The following CDC25B variants were observed in gnomAD, a reference collection of about 807,000 sequenced individuals.
CDC25B encodes the protein M-phase inducer phosphatase 2.
Under a neutral mutation model 69.8 loss-of-function variants are expected in CDC25B, and 33 were observed. That is an observed-to-expected ratio of 0.47 (90% CI 0.36 to 0.63). CDC25B has a LOEUF of 0.63. Ranked by LOEUF, CDC25B falls within the 30% of genes least tolerant of loss-of-function variation. The pLI, the probability that CDC25B is intolerant of heterozygous loss-of-function variation, is 0.00. For missense variants in CDC25B, 727 were observed against 809.1 expected, an observed-to-expected ratio of 0.90 and a Z score of 1.23; for synonymous variants, 341 against 314.6, an observed-to-expected ratio of 1.08 and a Z score of -0.89.
Position 3,798,473 on chromosome 20 carries a change from G to T in CDC25B, c.380+10G>T, listed in dbSNP as rs1568504937. The T allele has an allele frequency of 6.3e-7, 1 of 1,591,060 alleles. No homozygotes were observed. On this transcript the variant is annotated intron_variant, in intron 3 of 15. Coordinates refer to ENST00000245960, the MANE Select transcript of CDC25B (RefSeq NM_021873.4). ...ACATGGCGGAGCAGACGTGAGTAGA[G>T]AAGGGAATGTGTACTTCCAAGCATT...
chr20:3,796,923 C>T (rs2089077732), intron 1 of CDC25B, among the ~76,000 whole-genome samples, 192 bp downstream of exon 1: 2 of 152,080 alleles, frequency 1.3e-5, no homozygotes, highest in African/African-American at 2.4e-5. Flanking sequence ...GGCTGTGCCC[C>T]CCACACCTCC....
rs942008308 is a variant in CDC25B at position 3,800,344 on chromosome 20, G to A, written c.422+15G>A. ...ATCATTCGAAAGTAAGTGTTCCTGG[G>A]CCTCTTCCATCTACCACAAGCTTTC... is the stretch of plus-strand genomic sequence containing the variant. On this transcript the variant is annotated intron_variant, in intron 4 of 15. Coordinates refer to ENST00000245960, the MANE Select transcript of CDC25B (RefSeq NM_021873.4). The A allele has an allele frequency of 1.2e-6, 2 of 1,613,962 alleles. No homozygotes were observed. The highest frequency in any genetic ancestry group is 2.7e-5 in the African/African-American group (2 of 74,898).
At position 3,805,087 on chromosome 20, in the gene CDC25B, T is replaced by C. The variant is rs1170285951; in HGVS notation, c.*126T>C. 2 of 933,784 alleles carry C rather than the reference T, an allele frequency of 2.1e-6. No individual in the cohort carries two copies. Among genetic ancestry groups the C allele is most frequent in the African/African-American group, 3.3e-5 (2 of 60,174 alleles). The allele number at this position is 933,784 out of a possible 1,614,324, so 57.8% of individuals were successfully genotyped here. A position where few individuals can be genotyped will look rare whatever the true frequency, so the allele number is the denominator to read the frequency against. ...CTGTCCATGGGAAAGATGGTGTGGG[T>C]GTCCTGCCTGTCTGCCCCAGCCCAG... On this transcript the variant is annotated 3_prime_UTR_variant, in exon 16 of 16. Coordinates refer to ENST00000245960, the MANE Select transcript of CDC25B (RefSeq NM_021873.4).
upstream of CDC25B, among the ~76,000 whole-genome samples, chr20:3,795,158 G>A (rs1036861340): frequency 6.6e-6 from 1 of 152,074 alleles, no homozygotes; most frequent in African/African-American, 2.4e-5. Context: ...TCAGGAGTTC[G>A]AGACCAGCCT....
chr20:3,798,313 CTGTT>C (rs1454348762), intron 2 of CDC25B, 95 bp from the exon 3 acceptor site: 3 of 624,220 alleles, frequency 4.8e-6, no homozygotes, highest in South Asian at 3.2e-5. Flanking sequence ...AAACTAGAAA[CTGTT>C]TTTTTTTTTT....
At chr20:3,797,593 C>G in intron 1 of CDC25B, 29 bp from the exon 2 acceptor site, 1 of 1,613,162 alleles carries the variant, frequency 6.2e-7, no homozygotes, top group Non-Finnish European at 8.5e-7. Flanking sequence ...TTACCTTTCT[C>G]CTTTCCCGGG....
At position 3,801,663 on chromosome 20, in the gene CDC25B, T is replaced by C. The variant is rs1023029756; in HGVS notation, c.841-59T>C. On this transcript the variant is annotated intron_variant, in intron 8 of 15. Coordinates refer to ENST00000245960, the MANE Select transcript of CDC25B (RefSeq NM_021873.4). ...AGGCTGTGCTGGAGGATTCCGGGAC[T>C]GGAGGGGTTTGGCCTATGCCTGTGG... 3.7e-6 allele frequency: 5 copies of C among 1,350,498 alleles called. No homozygotes were observed. The African/African-American group carries it at 5.9e-5, about 16-fold the overall frequency. 83.7% of individuals were successfully genotyped at this position (1,350,498 alleles called of 1,614,324 possible).
At chr20:3,796,234 C>T, upstream of CDC25B, 1 of 1,292,928 alleles carries the variant, frequency 7.7e-7, no homozygotes. Flanking sequence ...AACCCGCTAC[C>T]CCATTGGTGG....
chr20:3,795,682 G>C, upstream of CDC25B: 1 of 983,876 alleles, frequency 1.0e-6, no homozygotes, highest in Non-Finnish European at 1.2e-6. Flanking sequence ...AGTTCCGCTT[G>C]GGGGCCCCAC....
At position 3,802,651 on chromosome 20, in the gene CDC25B, G is replaced by A; in HGVS notation, c.1195-259G>A. ...GGAACCCCCTCATGCCTCACCTTCG[G>A]GCTTGGCAGAGGGTAGGGAGCAGAG... On this transcript the variant is annotated intron_variant, in intron 11 of 15. Transcript: ENST00000245960. 9 of 600,770 alleles carry A rather than the reference G, an allele frequency of 1.5e-5. No homozygotes were observed. The South Asian group carries it at 1.8e-4, about 12-fold the overall frequency. The allele number at this position is 600,770 out of a possible 1,614,324, so 37.2% of individuals were successfully genotyped here.
At chr20:3,789,976 A>G (rs1487647933) in intron 1 of CDC25B, among the ~76,000 whole-genome samples, 3 of 151,442 alleles carry the variant, frequency 2.0e-5, no homozygotes, top group Admixed American at 6.6e-5. Context: ...GCGACAGAGC[A>G]AGACTCTGTC....
rs1168567587 is a variant in CDC25B, at chr20:3,801,376, G to A, written c.828G>A (p.Glu276=). 2 of 1,612,444 alleles carry A rather than the reference G, an allele frequency of 1.2e-6. No homozygotes were observed. Among genetic ancestry groups the A allele is most frequent in the Non-Finnish European group, 1.7e-6 (2 of 1,179,226 alleles). ...ATGATGGATTTGTGGACATCCTAGA[G>A]AGTGACTTAAAGGTAAACAGCCTTG... ...EEDDGFVDIL[E]SDLKDDDAVP... is the part of the protein sequence containing the mutation. Residue 276 remains glutamate, a synonymous_variant, in exon 8 of 16, where the codon GAG becomes GAA. Transcript: ENST00000245960.
At position 3,804,565 on chromosome 20, in the gene CDC25B, C is replaced by T; in HGVS notation, c.1491-4C>T. ...CTGACCACACCCTGCCCATGACGCC[C>T]CAGGTGCCGTTTCATCAGGGAACGA... On this transcript the variant is annotated splice_region_variant and splice_polypyrimidine_tract_variant and intron_variant, in intron 14 of 15. Transcript: ENST00000245960. 3.7e-6 allele frequency: 6 copies of T among 1,606,044 alleles called. No individual in the cohort carries two copies. Among genetic ancestry groups the T allele is most frequent in the Non-Finnish European group, 5.1e-6 (6 of 1,172,710 alleles).
At position 3,801,099 on chromosome 20, in the gene CDC25B, T is replaced by C; in HGVS notation, c.705+6T>C. ...GCTCGGCCCCCGACCTGATGGTACA[T>C]CCAGAGAGCGGATCCCTGGGAGGGG... On this transcript the variant is annotated splice_donor_region_variant and intron_variant, in intron 7 of 15. Coordinates refer to ENST00000245960, the MANE Select transcript of CDC25B (RefSeq NM_021873.4). 1.2e-6 allele frequency: 2 copies of C among 1,613,878 alleles called. No homozygotes were observed. Among genetic ancestry groups the C allele is most frequent in the Non-Finnish European group, 1.7e-6 (2 of 1,179,878 alleles).
intron 8 of CDC25B, 95 bp downstream of exon 8, chr20:3,801,483 C>A: frequency 7.1e-7 from 1 of 1,406,552 alleles, no homozygotes; most frequent in Admixed American, 2.3e-5. Flanking sequence ...ACCATGATGT[C>A]ATTCCAGTGT....
At chr20:3,787,272 C>T in intron 1 of CDC25B, 1 of 465,700 alleles carries the variant, frequency 2.1e-6, no homozygotes, top group South Asian at 3.9e-5. Context: ...TTTTACCTGG[C>T]ATCAAGTAGT....
chr20:3,801,662 C>G lies in CDC25B; in HGVS notation c.841-60C>G, dbSNP rs544719292. On this transcript the variant is annotated intron_variant, in intron 8 of 15. Transcript: ENST00000245960. ...AAGGCTGTGCTGGAGGATTCCGGGA[C>G]TGGAGGGGTTTGGCCTATGCCTGTG... 21 of 1,351,582 alleles carry G rather than the reference C, an allele frequency of 1.6e-5. No individual in the cohort carries two copies. In the African/African-American group the frequency reaches 2.8e-4, roughly 18 times the overall value. The allele number at this position is 1,351,582 out of a possible 1,614,324, so 83.7% of individuals were successfully genotyped here. A position where few individuals can be genotyped will look rare whatever the true frequency, so the allele number is the denominator to read the frequency against.
Position 3,804,920 on chromosome 20 carries a change from C to T in CDC25B, c.1702C>T (p.Arg568Trp), listed in dbSNP as rs746499541. The change falls in exon 16 of 16, where the codon CGG becomes TGG. Residue 568 changes from arginine (R) to tryptophan (W), a missense_variant. Physicochemically the swap from Arg to Trp is moderately radical, Grantham distance 101 (BLOSUM62 -3). This residue lies in a region of CDC25B where 359 missense variants were observed against 463.4 expected (regional missense o/e 0.77). Transcript: ENST00000245960. ...RLKTRSWAGE[R>W]SRRELCSRLQ... The stretch of plus-strand genomic sequence containing the variant: ...CAAGACTCGCAGCTGGGCTGGGGAG[C>T]GGAGCCGGCGGGAGCTCTGTAGCCG... 25 of 1,613,612 alleles carry T rather than the reference C, an allele frequency of 1.5e-5. No homozygotes were observed. Among genetic ancestry groups the T allele is most frequent in the East Asian group, 4.5e-5 (2 of 44,894 alleles).
At chr20:3,792,291 C>G (rs1033974315), upstream of CDC25B, among the ~76,000 whole-genome samples, 1 of 151,554 alleles carries the variant, frequency 6.6e-6, no homozygotes, top group Non-Finnish European at 1.5e-5. Context: ...AGACCTGCAG[C>G]CACTAACCCT....
Sources: allele counts gnomAD v4.1 joint callset (sites outside exome capture counted in the v4.1 genomes callset), GRCh38; gene constraint gnomAD v4.1.1; regional missense constraint gnomAD v4.1.1; transcripts MANE v1.5; gene names NCBI Gene and HGNC (gene_info 2026-07-23, HGNC 2026-07-21).